GHRL: variants seen among roughly 807,000 people sequenced by gnomAD.
The protein encoded by GHRL is ghrelin and obestatin prepropeptide.
A neutral mutation model predicts 16.9 loss-of-function variants in GHRL; 24 were observed. The ratio of observed to expected loss-of-function variants is 1.42; its 90% CI spans 1.03 to 2.00. The LOEUF (loss-of-function observed/expected upper bound fraction) is 2.00. GHRL is among the 30% of genes most tolerant of loss of function. The pLI is 0.00. For missense variants in GHRL, 193 were observed against 142.1 expected (o/e 1.36, Z -1.82); for synonymous variants, 63 against 58.2 (o/e 1.08, Z -0.37).
intron 2 of GHRL, 38 bp downstream of exon 2, chr3:10,290,678 C>G: frequency 1.0e-6 from 1 of 999,106 alleles, no homozygotes; most frequent in Non-Finnish European, 1.2e-6. Context: ...GACAATAAAC[C>G]TGTCAGCAAA....
Position 10,285,895 on chromosome 3 carries a change from C to T in GHRL, c.335-1G>A. 5 of 1,613,350 alleles carry T rather than the reference C, an allele frequency of 3.1e-6. No homozygotes were observed. Among genetic ancestry groups the T allele is most frequent in the Non-Finnish European group, 4.2e-6 (5 of 1,179,340 alleles). On this transcript the variant is annotated splice_acceptor_variant, in intron 5 of 5. Coordinates refer to ENST00000335542, the MANE Select transcript of GHRL (RefSeq NM_016362.5). LOFTEE classifies it high-confidence loss of function. Reference sequence around the variant, plus strand: ...GGCGATCACTTGTCGGCTGGGGCCTCTGGAAAGCAAGAGGTTGAGTAAGAA... The same window carrying T: ...GGCGATCACTTGTCGGCTGGGGCCTTTGGAAAGCAAGAGGTTGAGTAAGAA...
chr3:10,290,015 GCTGGTTGCTAAGTGGCAGGGCTGGAA>G (rs1310020356), intron 3 of GHRL, 32 bp downstream of exon 3: 3 of 1,590,620 alleles, frequency 1.9e-6, no homozygotes, highest in Non-Finnish European at 2.6e-6. Context: ...AGGTCACAGA[GCTGGTTGCTAAGTGGCAGGGCTGGAA>G]CAACATGTGG....
rs1445200574 is a variant in GHRL at position 10,285,909 on chromosome 3, G to A, written c.335-15C>T. On this transcript the variant is annotated splice_polypyrimidine_tract_variant and intron_variant, in intron 5 of 5. Transcript: ENST00000335542. ...GGCTGGGGCCTCTGGAAAGCAAGAG[G>A]TTGAGTAAGAATGCTGGGTGCACCG... is the stretch of plus-strand genomic sequence containing the variant. 8.1e-6 allele frequency: 13 copies of A among 1,611,772 alleles called. No individual in the cohort carries two copies. Among genetic ancestry groups the A allele is most frequent in the Non-Finnish European group, 9.3e-6 (11 of 1,178,038 alleles).
In GHRL at chr3:10,291,006, G is replaced by C; in HGVS notation, c.-320C>G. On this transcript the variant is annotated 5_prime_UTR_variant, in exon 2 of 6. Transcript: ENST00000335542. ...GGGCATGGCCCTGGTGGAGGAGGGA[G>C]GGAGGAGAGTGGCTCTGGGGTCTGG... The C allele has an allele frequency of 2.0e-6, 2 of 985,552 alleles. No individual in the cohort carries two copies. Among genetic ancestry groups the C allele is most frequent in the Non-Finnish European group, 2.4e-6 (2 of 829,894 alleles). The allele number at this position is 985,552 out of a possible 1,614,324, so 61.1% of individuals were successfully genotyped here. A position where few individuals can be genotyped will look rare whatever the true frequency, so the allele number is the denominator to read the frequency against.
At chr3:10,286,150 G>A (rs1021240135) in intron 5 of GHRL, among the ~76,000 whole-genome samples, 1 of 152,196 alleles carries the variant, frequency 6.6e-6, no homozygotes, top group African/African-American at 2.4e-5. Context: ...ACGGGTCACC[G>A]CCTTGGTGAG....
At chr3:10,290,633 G>T in intron 2 of GHRL, 83 bp downstream of exon 2, 2 of 617,234 alleles carry the variant, frequency 3.2e-6, no homozygotes, top group Non-Finnish European at 4.2e-6. Context: ...GACTCCTGAG[G>T]CCCAGAGAGG....
At chr3:10,292,224 T>G (rs925855935) in intron 1 of GHRL, 1 of 152,296 alleles carries the variant, frequency 6.6e-6, no homozygotes, top group African/African-American at 2.4e-5. Flanking sequence ...TATACAGCCA[T>G]CAGGGGCAAT....
chr3:10,287,084 T>C (rs1699197234), intron 4 of GHRL: 1 of 295,542 alleles, frequency 3.4e-6, no homozygotes, highest in African/African-American at 2.2e-5. Context: ...ATAAAAGCTG[T>C]GGTGCCCCCT....
At position 10,289,776 on chromosome 3, in the gene GHRL, C is replaced by G; in HGVS notation, c.211G>C (p.Glu71Gln). The stretch of plus-strand genomic sequence containing the variant: ...GAGGTACCGACCCGGACTTCCAGTT[C>G]ATCCTCTGCCCCTTCTGCTTGACCT... ...DGGQAEGAED[E>Q]LEVRFNAPFD... The change falls in exon 4 of 6, where the codon GAA (glutamate) becomes CAA (glutamine). Residue 71 changes from glutamate to glutamine, a missense_variant. By Grantham distance (29) the Glu-to-Gln change is conservative (BLOSUM62 2). Coordinates refer to ENST00000335542, the MANE Select transcript of GHRL (RefSeq NM_016362.5). 1 of 1,605,862 alleles carries G rather than the reference C, an allele frequency of 6.2e-7. No individual in the cohort carries two copies.
intron 1 of GHRL, chr3:10,292,361 G>C (rs1700124382): frequency 6.0e-6 from 1 of 166,178 alleles, no homozygotes; most frequent in Non-Finnish European, 1.3e-5. Flanking sequence ...AATTGGGGCA[G>C]GACGTCCAGT....
chr3:10,291,038 C>T lies in GHRL; in HGVS notation c.-352G>A, dbSNP rs1699927870. 1.0e-6 allele frequency: 1 copy of T among 985,690 alleles called. No individual in the cohort carries two copies. Among genetic ancestry groups the T allele is most frequent in the Non-Finnish European group, 1.2e-6 (1 of 830,078 alleles). The allele number at this position is 985,690 out of a possible 1,614,324, so 61.1% of individuals were successfully genotyped here. On this transcript the variant is annotated 5_prime_UTR_variant, in exon 2 of 6. Coordinates refer to ENST00000335542, the MANE Select transcript of GHRL (RefSeq NM_016362.5). ...GAGTGGCTCTGGGGTCTGGGTGCAG[C>T]TTTGTTGCTGTGTGACCTTAGCTTA...
In GHRL at chr3:10,286,805, G is replaced by T. The variant is rs1400599238; in HGVS notation, c.233C>A (p.Ala78Asp). 2 of 1,604,464 alleles carry T rather than the reference G, an allele frequency of 1.2e-6. No homozygotes were observed. Among genetic ancestry groups the T allele is most frequent in the Non-Finnish European group, 1.7e-6 (2 of 1,171,354 alleles). Residue 78 changes from alanine to aspartate, a missense_variant, in exon 5 of 6, where the codon GCC becomes GAC. Physicochemically the swap from Ala to Asp is moderately radical, Grantham distance 126. Coordinates refer to ENST00000335542, the MANE Select transcript of GHRL (RefSeq NM_016362.5). ...CAGCTTGATTCCAACATCAAAGGGG[G>T]CGTTGAACTAGGAGGCAGGGCAGGG... is the stretch of plus-strand genomic sequence containing the variant. ...AEDELEVRFN[A>D]PFDVGIKLSG...
In GHRL at chr3:10,290,224, G is replaced by A; in HGVS notation, c.-29-15C>T. 2 of 1,581,774 alleles carry A rather than the reference G, an allele frequency of 1.3e-6. No individual in the cohort carries two copies. Among genetic ancestry groups the A allele is most frequent in the Non-Finnish European group, 8.6e-7 (1 of 1,165,064 alleles). ...GACAGGTGGGCCTGGGGGAGAGAGG[G>A]TCTCCAGGCAGCTGCCTCCCCTTCT... On this transcript the variant is annotated splice_polypyrimidine_tract_variant and intron_variant, in intron 2 of 5. Coordinates refer to ENST00000335542, the MANE Select transcript of GHRL (RefSeq NM_016362.5).
chr3:10,291,103 TAGG>T lies in GHRL; in HGVS notation c.-420_-418del. ...CTGGGTAAAATGAGGCTGTCATCAC[TAGG>T]AGAGCTCTGAGACCTCCCCAGTCCA... On this transcript the variant is annotated 5_prime_UTR_variant, in exon 2 of 6. Transcript: ENST00000335542. 2.0e-6 allele frequency: 2 copies of T among 985,704 alleles called. No individual in the cohort carries two copies. Among genetic ancestry groups the T allele is most frequent in the Non-Finnish European group, 2.4e-6 (2 of 830,122 alleles). The allele number at this position is 985,704 out of a possible 1,614,324, so 61.1% of individuals were successfully genotyped here.
chr3:10,285,705 T>G lies in GHRL; in HGVS notation c.*170A>C. On this transcript the variant is annotated 3_prime_UTR_variant, in exon 6 of 6. Coordinates refer to ENST00000335542, the MANE Select transcript of GHRL (RefSeq NM_016362.5). ...ATTTTGATTTTTTTAAAGTAAAATA[T>G]TAACTTTTCCTCTTTGAAATAAATT... The G allele has an allele frequency of 1.7e-6, 1 of 580,790 alleles. No homozygotes were observed. Among genetic ancestry groups the G allele is most frequent in the Admixed American group, 3.0e-5 (1 of 33,426 alleles). 36.0% of individuals were successfully genotyped at this position (580,790 alleles called of 1,614,324 possible). A position where few individuals can be genotyped will look rare whatever the true frequency, so the allele number is the denominator to read the frequency against.
At chr3:10,291,576 A>C (rs1574843798) in intron 1 of GHRL, 125 bp from the exon 2 acceptor site, 1 of 532,816 alleles carries the variant, frequency 1.9e-6, no homozygotes, top group Non-Finnish European at 2.4e-6. Flanking sequence ...ATGGGGGGAA[A>C]GTGGCTTCTA....
rs930565885 is a variant in GHRL, at chr3:10,285,793, C to T, written c.*82G>A. ...TCGCCTCCTGAGCTTGTACAACAGTCGTGGGAGTTGCTGCAGAAGCAAGCG... is the reference window on the plus strand; with the variant it reads ...TCGCCTCCTGAGCTTGTACAACAGTTGTGGGAGTTGCTGCAGAAGCAAGCG... On this transcript the variant is annotated 3_prime_UTR_variant, in exon 6 of 6. Transcript: ENST00000335542. 9.5e-6 allele frequency: 10 copies of T among 1,057,474 alleles called. No individual in the cohort carries two copies. Among genetic ancestry groups the T allele is most frequent in the East Asian group, 7.1e-5 (3 of 42,278 alleles). The allele number at this position is 1,057,474 out of a possible 1,614,324, so 65.5% of individuals were successfully genotyped here. A position where few individuals can be genotyped will look rare whatever the true frequency, so the allele number is the denominator to read the frequency against.
Position 10,290,748 on chromosome 3 carries a change from C to CT in GHRL, c.-63dup. The CT allele has an allele frequency of 1.0e-6, 1 of 996,658 alleles. No homozygotes were observed. Among genetic ancestry groups the CT allele is most frequent in the Non-Finnish European group, 1.2e-6 (1 of 836,910 alleles). The allele number at this position is 996,658 out of a possible 1,614,324, so 61.7% of individuals were successfully genotyped here. ...TCCTGGCGGAGGTGGTGCCTGGTGG[C>CT]TGTCAGGTCCTTATATAGGATGACT... On this transcript the variant is annotated 5_prime_UTR_variant, in exon 2 of 6. Transcript: ENST00000335542.
chr3:10,290,162 C>A lies in GHRL; in HGVS notation c.19G>T (p.Val7Phe). The A allele has an allele frequency of 6.2e-7, 1 of 1,612,278 alleles. No individual in the cohort carries two copies. The highest frequency in any genetic ancestry group is 8.5e-7 in the Non-Finnish European group (1 of 1,179,676). The change falls in exon 3 of 6, where the codon GTC becomes TTC. Residue 7 changes from valine (V) to phenylalanine (F), a missense_variant. Transcript: ENST00000335542. MPSPGT[V>F]CSLLLLGMLW... ...ATGCCGAGGAGCAGGAGGCTGCAGA[C>A]GGTCCCTGGGGAGGGCATGGCCTCA...
Sources: gnomAD v4.1 joint callset for allele counts (sites outside exome capture counted in the v4.1 genomes callset) on GRCh38, gnomAD v4.1.1 for gene constraint, MANE v1.5 for transcripts, NCBI Gene and HGNC (gene_info 2026-07-23, HGNC 2026-07-21) for gene names.